The following GRAMD1C variants were observed in gnomAD, a reference collection of about 807,000 sequenced individuals.
GRAMD1C encodes the protein GRAM domain containing 1C.
A neutral mutation model predicts 97.8 loss-of-function variants in GRAMD1C; 89 were observed. That is an observed-to-expected ratio of 0.91 (90% CI 0.77 to 1.09). The LOEUF (loss-of-function observed/expected upper bound fraction) is 1.09, where lower values mean the gene tolerates loss of function less well. Among genes scored for constraint, GRAMD1C ranks in the 50% least tolerant of loss-of-function variants. GRAMD1C has a pLI of 0.00. For synonymous variants in GRAMD1C, 256 were observed against 267.0 expected (o/e 0.96, Z 0.40); for missense variants, 740 against 766.4 (o/e 0.97, Z 0.41).
At chr3:113,890,681 A>G in intron 6 of GRAMD1C, 1 of 682,144 alleles carries the variant, frequency 1.5e-6, no homozygotes, top group Non-Finnish European at 2.7e-6. Flanking sequence ...GCAAGGCACC[A>G]GCGACATCGC....
intron 2 of GRAMD1C, chr3:113,850,299 A>G (rs1577123785): frequency 1.4e-6 from 1 of 700,194 alleles, no homozygotes; most frequent in South Asian, 1.4e-5. Context: ...TCGGTTGCTG[A>G]CACAGCCCCA....
upstream of GRAMD1C, among the ~76,000 whole-genome samples, chr3:113,835,879 T>C (rs1409482359): frequency 6.6e-6 from 1 of 152,258 alleles, no homozygotes; most frequent in Non-Finnish European, 1.5e-5. Flanking sequence ...ACACAGTTTA[T>C]GCAAAGTTTT....
intron 13 of GRAMD1C, among the ~76,000 whole-genome samples, chr3:113,935,893 A>G (rs1435434921): frequency 1.3e-5 from 2 of 152,008 alleles, no homozygotes; most frequent in Admixed American, 6.6e-5. Flanking sequence ...AGTATATGCT[A>G]CTCCTTCCTG....
intron 17 of GRAMD1C, 94 bp downstream of exon 17, chr3:113,940,439 G>A (rs1012102477): frequency 8.0e-5 from 58 of 724,094 alleles, no homozygotes; most frequent in African/African-American, 4.4e-4. Flanking sequence ...CCCTACTATC[G>A]TTTGAAAAAA....
At chr3:113,933,441 G>T (rs1174953566) in intron 11 of GRAMD1C, 70 bp from the exon 12 acceptor site, 5 of 1,084,830 alleles carry the variant, frequency 4.6e-6, no homozygotes, top group Non-Finnish European at 6.9e-6. Context: ...TAATATACAT[G>T]TTCTAAATTG....
chr3:113,881,317 C>A (rs1935252520), intron 5 of GRAMD1C, among the ~76,000 whole-genome samples: 1 of 152,024 alleles, frequency 6.6e-6, no homozygotes, highest in Non-Finnish European at 1.5e-5. Context: ...ACCACCATGC[C>A]AGGCTAATTT....
intron 6 of GRAMD1C, among the ~76,000 whole-genome samples, chr3:113,891,302 C>T (rs1187271484): frequency 9.9e-5 from 15 of 152,086 alleles, no homozygotes; most frequent in East Asian, 1.9e-4. Flanking sequence ...CAATTTTTAA[C>T]GTATAAATAT....
At chr3:113,844,825 T>C (rs973794765) in intron 2 of GRAMD1C, 176 bp downstream of exon 2, 3 of 523,014 alleles carry the variant, frequency 5.7e-6, no homozygotes, top group African/African-American at 3.9e-5. Context: ...ACCACTAGAA[T>C]GCACTGTTGT....
chr3:113,920,366 A>G lies in GRAMD1C; in HGVS notation c.1090+4528A>G, dbSNP rs1364981209. 2.0e-5 allele frequency among the ~76,000 whole-genome samples: 3 copies of G among 152,188 alleles called. No homozygotes were observed. The East Asian group carries it at 5.8e-4, about 29-fold the overall frequency. On this transcript the variant is annotated intron_variant, in intron 10 of 17. Transcript: ENST00000358160. The stretch of plus-strand genomic sequence containing the variant: ...CTGCATTTATTTTACGGTATAATGA[A>G]ATGTTCTCCATGTATATACATTTTA...
chr3:113,871,124 A>G (rs1934794040), intron 3 of GRAMD1C, among the ~76,000 whole-genome samples: 1 of 152,162 alleles, frequency 6.6e-6, no homozygotes, highest in African/African-American at 2.4e-5. Context: ...TTGATGTTCA[A>G]TATATATTTA....
rs1444104877 is a variant in GRAMD1C, at chr3:113,844,595, A to C, written c.120A>C (p.Val40=). Residue 40 remains valine, a synonymous_variant, in exon 2 of 18, where the codon GTA becomes GTC. Transcript: ENST00000358160. ...PSPTVEENNV[V]VKKQGPNLHN... ...CAACTGTGGAAGAGAATAATGTGGT[A>C]GTTAAAAAACAGGGGCCAAATTTAC... 2 of 1,605,424 alleles carry C rather than the reference A, an allele frequency of 1.2e-6. No individual in the cohort carries two copies. Among genetic ancestry groups the C allele is most frequent in the African/African-American group, 2.7e-5 (2 of 74,640 alleles).
At chr3:113,841,634 G>T (rs1559773048) in intron 1 of GRAMD1C, among the ~76,000 whole-genome samples, 2 of 152,010 alleles carry the variant, frequency 1.3e-5, no homozygotes, top group Non-Finnish European at 2.9e-5. Context: ...TGAAGGCCCT[G>T]TTTTGTTTTA....
intron 1 of GRAMD1C, among the ~76,000 whole-genome samples, chr3:113,830,188 C>T (rs1440063655): frequency 1.3e-5 from 2 of 152,136 alleles, no homozygotes; most frequent in Non-Finnish European, 2.9e-5. Flanking sequence ...AAGCTGGCCA[C>T]TCCACCCTAA....
At chr3:113,933,359 A>G (rs1937510978) in intron 11 of GRAMD1C, 152 bp from the exon 12 acceptor site, 1 of 549,388 alleles carries the variant, frequency 1.8e-6, no homozygotes, top group Admixed American at 3.3e-5. Context: ...TGGACAACAG[A>G]GTCAGCATGT....
chr3:113,920,220 A>T lies in GRAMD1C; in HGVS notation c.1090+4382A>T, dbSNP rs576548766. 3.2e-5 allele frequency: 37 copies of T among 1,142,708 alleles called. No individual in the cohort carries two copies. In the East Asian group the frequency reaches 8.0e-4, roughly 25 times the overall value. The allele number at this position is 1,142,708 out of a possible 1,614,324, so 70.8% of individuals were successfully genotyped here. A position where few individuals can be genotyped will look rare whatever the true frequency, so the allele number is the denominator to read the frequency against. On this transcript the variant is annotated intron_variant, in intron 10 of 17. Coordinates refer to ENST00000358160, the MANE Select transcript of GRAMD1C (RefSeq NM_017577.5). ...ATGTGAACTGAATAGGAGACCAAAA[A>T]AAAAAAGCAACAAATTCCTGTAACC...
intron 1 of GRAMD1C, among the ~76,000 whole-genome samples, chr3:113,833,112 CTTTCTTTCTT>C (rs1279129418): frequency 1.0e-4 from 14 of 133,496 alleles, no homozygotes; most frequent in African/African-American, 3.9e-4. Context: ...TTCTTTCTTT[CTTTCTTTCTT>C]TTTTTTTTTT....
chr3:113,876,328 T>C, intron 5 of GRAMD1C, 68 bp downstream of exon 5: 1 of 788,900 alleles, frequency 1.3e-6, no homozygotes, highest in Admixed American at 2.2e-5. Context: ...TCATCATCAA[T>C]GTTGGGAAAT....
chr3:113,875,481 T>C lies in GRAMD1C; in HGVS notation c.260-3T>C, dbSNP rs1934989106. On this transcript the variant is annotated splice_polypyrimidine_tract_variant and splice_region_variant and intron_variant, in intron 3 of 17. Coordinates refer to ENST00000358160, the MANE Select transcript of GRAMD1C (RefSeq NM_017577.5). ...AAGCTGTATCTTATTTTTGTGTATATAGATTATGCTTGTGCTCTTCAGAGG... is the reference window on the plus strand; with the variant it reads ...AAGCTGTATCTTATTTTTGTGTATACAGATTATGCTTGTGCTCTTCAGAGG... 2.4e-6 allele frequency: 3 copies of C among 1,257,082 alleles called. No homozygotes were observed. Among genetic ancestry groups the C allele is most frequent in the African/African-American group, 1.4e-5 (1 of 69,626 alleles). The allele number at this position is 1,257,082 out of a possible 1,614,324, so 77.9% of individuals were successfully genotyped here.
intron 17 of GRAMD1C, among the ~76,000 whole-genome samples, chr3:113,943,477 C>T (rs1029996802): frequency 6.6e-6 from 1 of 152,186 alleles, no homozygotes; most frequent in Non-Finnish European, 1.5e-5. Flanking sequence ...TCCCCCTGAC[C>T]CCTGGCACCC....
Sources: gnomAD v4.1 joint callset for allele counts (sites outside exome capture counted in the v4.1 genomes callset) on GRCh38, gnomAD v4.1.1 for gene constraint, MANE v1.5 for transcripts, NCBI Gene and HGNC (gene_info 2026-07-23, HGNC 2026-07-21) for gene names.